BICD1: variants seen among roughly 807,000 people sequenced by gnomAD.
BICD1 encodes BICD cargo adaptor 1.
In BICD1, 35 loss-of-function variants were observed where a neutral mutation model predicts 92.5. The observed-to-expected ratio is 0.38, with a 90% CI of 0.29 to 0.50. BICD1 has a LOEUF of 0.50. Among genes scored for constraint, BICD1 ranks in the 20% least tolerant of loss-of-function variants. The pLI is 0.93. For synonymous variants in BICD1, 429 were observed against 465.1 expected, an observed-to-expected ratio of 0.92 and a Z score of 1.00; for missense variants, 950 against 1,189.8, an observed-to-expected ratio of 0.80 and a Z score of 2.97.
At chr12:32,142,084 G>A (rs1246233806) in intron 1 of BICD1, among the ~76,000 whole-genome samples, 1 of 152,078 alleles carries the variant, frequency 6.6e-6, no homozygotes, top group Non-Finnish European at 1.5e-5. Context: ...GGGATTGACT[G>A]AAACTCTATT....
intron 2 of BICD1, among the ~76,000 whole-genome samples, chr12:32,240,738 C>T (rs1416833416): frequency 6.6e-6 from 1 of 151,718 alleles, no homozygotes. Flanking sequence ...CCACTCCCCA[C>T]CCCTTAAAAA....
At chr12:32,224,150 G>A (rs1011481362) in intron 2 of BICD1, among the ~76,000 whole-genome samples, 1 of 152,108 alleles carries the variant, frequency 6.6e-6, no homozygotes, top group African/African-American at 2.4e-5. Context: ...TGAGTGAAGC[G>A]GACACTTCTG....
chr12:32,143,053 G>A (rs969238408), intron 1 of BICD1, among the ~76,000 whole-genome samples: 8 of 151,738 alleles, frequency 5.3e-5, no homozygotes, highest in Admixed American at 2.0e-4. Context: ...TTTTTTGTTT[G>A]CCTTTTGTCT....
At chr12:32,141,889 G>C (rs1942932264) in intron 1 of BICD1, among the ~76,000 whole-genome samples, 3 of 152,120 alleles carry the variant, frequency 2.0e-5, no homozygotes, top group Non-Finnish European at 1.5e-5. Context: ...TGTTTCATTT[G>C]TTTTTGTTTC....
intron 1 of BICD1, among the ~76,000 whole-genome samples, chr12:32,177,743 A>ATATAAATATATTTATATATTTATAT (rs1592424030): frequency 1.2e-3 from 3 of 2,602 alleles, no homozygotes; most frequent in East Asian, 0.024. Context: ...ATATTTATAT[A>ATATAAATATATTTATATATTTATAT]AAATATATAT....
At chr12:32,139,592 C>G (rs1262690828) in intron 1 of BICD1, among the ~76,000 whole-genome samples, 1 of 152,194 alleles carries the variant, frequency 6.6e-6, no homozygotes, top group Non-Finnish European at 1.5e-5. Context: ...GAGACGGAGT[C>G]TCGCTCTGTC....
chr12:32,274,495 G>T (rs557792428), intron 2 of BICD1, among the ~76,000 whole-genome samples: 3 of 152,260 alleles, frequency 2.0e-5, no homozygotes, highest in East Asian at 3.9e-4. Context: ...GCTACCATTA[G>T]CTCCAGAATC....
chr12:32,287,190 T>G (rs541913244), intron 2 of BICD1, among the ~76,000 whole-genome samples: 1 of 152,340 alleles, frequency 6.6e-6, no homozygotes, highest in South Asian at 2.1e-4. Context: ...GTATTTTCAC[T>G]CAACTCAGAC....
intron 4 of BICD1, among the ~76,000 whole-genome samples, chr12:32,320,814 G>A (rs1218523127): frequency 6.6e-6 from 1 of 152,112 alleles, no homozygotes; most frequent in African/African-American, 2.4e-5. Flanking sequence ...CAGCTCTGCT[G>A]TGAAAAAATA....
intron 8 of BICD1, among the ~76,000 whole-genome samples, chr12:32,344,840 C>A (rs1192379886): frequency 2.0e-5 from 3 of 152,112 alleles, no homozygotes; most frequent in Non-Finnish European, 4.4e-5. Context: ...GGATTCAATT[C>A]TTGAACTAGT....
Position 32,351,487 on chromosome 12 carries a change from CAAAAAAA to C in BICD1, c.2764+12526_2764+12532del, listed in dbSNP as rs35002678. Among the ~76,000 whole-genome samples, 93 of 57,222 alleles carry C rather than the reference CAAAAAAA, an allele frequency of 1.6e-3. 1 individual carries two copies. The highest frequency in any genetic ancestry group is 6.4e-3 in the African/African-American group (86 of 13,400). 37.5% of individuals were successfully genotyped at this position (57,222 alleles called of 152,430 possible). Reference sequence around the variant, plus strand: ...TGGGCAACAGAGCAAGACTCTGTCTCAAAAAAAAAAAAAAAAAAAAAAAAGAAAGGAG... The same window carrying C: ...TGGGCAACAGAGCAAGACTCTGTCTCAAAAAAAAAAAAAAAAAGAAAGGAG... On this transcript the variant is annotated intron_variant, in intron 8 of 9. Coordinates refer to ENST00000652176, the MANE Select transcript of BICD1 (RefSeq NM_001714.4).
chr12:32,321,413 A>G (rs908605420), intron 4 of BICD1, among the ~76,000 whole-genome samples: 2 of 152,170 alleles, frequency 1.3e-5, no homozygotes, highest in Non-Finnish European at 1.5e-5. Flanking sequence ...CATAGTAAAC[A>G]TATGTTGTAT....
chr12:32,190,400 A>G (rs1471569154), intron 1 of BICD1, among the ~76,000 whole-genome samples: 5 of 152,240 alleles, frequency 3.3e-5, no homozygotes, highest in African/African-American at 1.2e-4. Flanking sequence ...AAAGGGATGG[A>G]AGAAAATATT....
At chr12:32,197,381 A>T (rs947822405) in intron 1 of BICD1, among the ~76,000 whole-genome samples, 1 of 152,218 alleles carries the variant, frequency 6.6e-6, no homozygotes, top group African/African-American at 2.4e-5. Flanking sequence ...AGCTAAAAGC[A>T]TTGGCAGGGT....
At chr12:32,210,842 G>T (rs1945194423) in intron 1 of BICD1, among the ~76,000 whole-genome samples, 1 of 152,214 alleles carries the variant, frequency 6.6e-6, no homozygotes, top group Non-Finnish European at 1.5e-5. Context: ...AGCTAGTTTT[G>T]TGATTTCAGC....
chr12:32,188,427 T>C (rs1258776058), intron 1 of BICD1, among the ~76,000 whole-genome samples: 2 of 152,234 alleles, frequency 1.3e-5, no homozygotes, highest in Non-Finnish European at 2.9e-5. Flanking sequence ...ACCAATTTTC[T>C]GTGTCAAACG....
chr12:32,368,516 G>A (rs1487372060), intron 9 of BICD1, among the ~76,000 whole-genome samples: 3 of 152,014 alleles, frequency 2.0e-5, no homozygotes, highest in African/African-American at 7.2e-5. Context: ...GCAACATGGT[G>A]AAACCCCGTC....
At chr12:32,108,904 C>T in intron 1 of BICD1, 1 of 465,122 alleles carries the variant, frequency 2.1e-6, no homozygotes, top group Non-Finnish European at 3.9e-6. Flanking sequence ...TATTTTCCAA[C>T]TTAGATTAGG....
At chr12:32,295,082 G>GAAAA (rs10647988) in intron 3 of BICD1, among the ~76,000 whole-genome samples, 2 of 103,494 alleles carry the variant, frequency 1.9e-5, no homozygotes, top group African/African-American at 7.5e-5. Flanking sequence ...ATTCCGTCTC[G>GAAAA]AAAAAAAAAA....
Sources: allele counts gnomAD v4.1 joint callset (sites outside exome capture counted in the v4.1 genomes callset), GRCh38; gene constraint gnomAD v4.1.1; transcripts MANE v1.5; gene names NCBI Gene and HGNC (gene_info 2026-07-23, HGNC 2026-07-21).